PLCB1: variants seen among roughly 807,000 people sequenced by gnomAD.
PLCB1 encodes the protein 1-phosphatidylinositol 4,5-bisphosphate phosphodiesterase beta-1.
PLCB1 carries 46 observed loss-of-function variants against 161.8 expected under a neutral mutation model. That is an observed-to-expected ratio of 0.28 (90% CI 0.22 to 0.36). PLCB1 has a LOEUF of 0.36. Ranked by LOEUF, PLCB1 falls within the 10% of genes least tolerant of loss-of-function variation. The pLI is 1.00. For synonymous variants in PLCB1, 517 were observed against 503.7 expected, an observed-to-expected ratio of 1.03 and a Z score of -0.35; for missense variants, 1,016 against 1,472.5, an observed-to-expected ratio of 0.69 and a Z score of 5.07.
chr20:8,850,424 G>C (rs181810884), intron 31 of PLCB1, among the ~76,000 whole-genome samples: 28 of 152,232 alleles, frequency 1.8e-4, no homozygotes, highest in Non-Finnish European at 3.5e-4. Flanking sequence ...CCCTTTACTG[G>C]GTTAGGAAAA....
chr20:8,372,761 C>T (rs950009907), intron 3 of PLCB1, among the ~76,000 whole-genome samples: 1 of 152,172 alleles, frequency 6.6e-6, no homozygotes, highest in African/African-American at 2.4e-5. Context: ...AGCCAAATTT[C>T]ATATAAGCCT....
intron 3 of PLCB1, among the ~76,000 whole-genome samples, chr20:8,621,919 C>T (rs914616698): frequency 2.6e-5 from 4 of 152,164 alleles, no homozygotes; most frequent in Non-Finnish European, 2.9e-5. Flanking sequence ...GAAGAAGATA[C>T]AGAACAGCTG....
chr20:8,417,046 CACACACACATAT>C (rs1451708095), intron 3 of PLCB1, among the ~76,000 whole-genome samples: 2 of 55,210 alleles, frequency 3.6e-5, no homozygotes, highest in African/African-American at 1.4e-4. Flanking sequence ...CACACACACA[CACACACACATAT>C]ATATATATAT....
intron 3 of PLCB1, among the ~76,000 whole-genome samples, chr20:8,449,652 C>G (rs1980987537): frequency 6.6e-6 from 1 of 152,164 alleles, no homozygotes; most frequent in African/African-American, 2.4e-5. Flanking sequence ...TAGAGTGTCC[C>G]TAACAGGGGT....
At chr20:8,669,191 T>C (rs1441452620) in intron 9 of PLCB1, among the ~76,000 whole-genome samples, 1 of 152,224 alleles carries the variant, frequency 6.6e-6, no homozygotes, top group Non-Finnish European at 1.5e-5. Flanking sequence ...CTTCCATTCA[T>C]TCATCTAGCA....
At chr20:8,173,841 T>C (rs73895559) in intron 2 of PLCB1, among the ~76,000 whole-genome samples, 2,015 of 152,078 alleles carry the variant, frequency 0.013, 56 homozygotes, top group African/African-American at 0.044. Context: ...AAAAATACAA[T>C]GGCCAAAATA....
intron 3 of PLCB1, among the ~76,000 whole-genome samples, chr20:8,464,733 C>A (rs1204368862): frequency 2.0e-5 from 3 of 152,122 alleles, no homozygotes; most frequent in Non-Finnish European, 4.4e-5. Context: ...TAGCTCTCAG[C>A]CACTATTGTT....
At chr20:8,586,015 C>A (rs568803727) in intron 3 of PLCB1, among the ~76,000 whole-genome samples, 1 of 152,232 alleles carries the variant, frequency 6.6e-6, no homozygotes, top group African/African-American at 2.4e-5. Context: ...AGCTCATTAC[C>A]CCAGATTCAA....
intron 2 of PLCB1, among the ~76,000 whole-genome samples, chr20:8,180,203 C>T (rs1016136514): frequency 6.6e-6 from 1 of 152,042 alleles, no homozygotes; most frequent in Non-Finnish European, 1.5e-5. Context: ...TTTTTAAAAG[C>T]CTGTAATCGT....
intron 2 of PLCB1, among the ~76,000 whole-genome samples, chr20:8,198,533 G>C (rs2052054151): frequency 6.6e-6 from 1 of 152,120 alleles, no homozygotes; most frequent in Non-Finnish European, 1.5e-5. Flanking sequence ...GCTAGGAAGA[G>C]AGAACAGATG....
intron 31 of PLCB1, among the ~76,000 whole-genome samples, chr20:8,826,495 C>A (rs76640897): frequency 4.2e-3 from 515 of 122,608 alleles, no homozygotes; most frequent in Admixed American, 5.1e-3. Context: ...GACTCCGTCT[C>A]AAAAAAAAAA....
chr20:8,627,328 T>A (rs1405564453), intron 3 of PLCB1, among the ~76,000 whole-genome samples: 1 of 152,186 alleles, frequency 6.6e-6, no homozygotes, highest in Non-Finnish European at 1.5e-5. Context: ...TATTTAGATT[T>A]TTTTTAAACA....
chr20:8,259,642 C>T (rs907064039), intron 2 of PLCB1, among the ~76,000 whole-genome samples: 2 of 152,042 alleles, frequency 1.3e-5, no homozygotes, highest in African/African-American at 4.8e-5. Context: ...AAAGTCTCCA[C>T]TAAAAGCGAT....
At chr20:8,787,191 G>T (rs1439198671) in intron 27 of PLCB1, among the ~76,000 whole-genome samples, 5 of 152,168 alleles carry the variant, frequency 3.3e-5, no homozygotes, top group African/African-American at 9.7e-5. Flanking sequence ...AGGGAAACAG[G>T]TTATCTCCAC....
intron 31 of PLCB1, among the ~76,000 whole-genome samples, chr20:8,813,563 C>A (rs1984936134): frequency 6.6e-6 from 1 of 152,094 alleles, no homozygotes; most frequent in Admixed American, 6.5e-5. Flanking sequence ...GGCACGGTGG[C>A]TCACACCTAT....
intron 10 of PLCB1, among the ~76,000 whole-genome samples, chr20:8,689,133 G>T: frequency 6.7e-6 from 1 of 149,066 alleles, no homozygotes; most frequent in South Asian, 2.1e-4. Flanking sequence ...TTCTTGATTT[G>T]ATTATCTGCT....
chr20:8,696,925 G>T (rs1990597097), intron 10 of PLCB1, among the ~76,000 whole-genome samples: 1 of 152,048 alleles, frequency 6.6e-6, no homozygotes, highest in African/African-American at 2.4e-5. Context: ...AGCAGAGATG[G>T]GGTTTCACCA....
intron 31 of PLCB1, among the ~76,000 whole-genome samples, chr20:8,831,781 C>T (rs1380308826): frequency 6.6e-6 from 1 of 152,176 alleles, no homozygotes; most frequent in Non-Finnish European, 1.5e-5. Context: ...AGGCACATAC[C>T]ACCATGCCCA....
At chr20:8,557,863 A>G (rs1050184703) in intron 3 of PLCB1, among the ~76,000 whole-genome samples, 13 of 151,974 alleles carry the variant, frequency 8.6e-5, no homozygotes, top group Admixed American at 5.9e-4. Context: ...TCTTGTTCTC[A>G]ACAAAAAATT....
Sources: gnomAD v4.1 joint callset for allele counts (sites outside exome capture counted in the v4.1 genomes callset) on GRCh38, gnomAD v4.1.1 for gene constraint, MANE v1.5 for transcripts, NCBI Gene and HGNC (gene_info 2026-07-23, HGNC 2026-07-21) for gene names.